The following GRID1 variants were observed in gnomAD, a reference collection of about 807,000 sequenced individuals.
The protein encoded by GRID1 is glutamate ionotropic receptor delta type subunit 1, also known as glutamate receptor ionotropic, delta-1.
A neutral mutation model predicts 98.0 loss-of-function variants in GRID1; 28 were observed. That is an observed-to-expected ratio of 0.29 (90% confidence interval 0.21 to 0.39). The LOEUF (loss-of-function observed/expected upper bound fraction) is 0.39. GRID1 is among the 10% of genes least tolerant of loss of function. The pLI is 1.00. For missense variants in GRID1, 1,111 were observed against 1,340.5 expected, an observed-to-expected ratio of 0.83 and a Z score of 2.67; for synonymous variants, 553 against 538.5, an observed-to-expected ratio of 1.03 and a Z score of -0.37.
At position 85,776,675 on chromosome 10, in the gene GRID1, C is replaced by G. The variant is rs186506790; in HGVS notation, c.1234-47061G>C. On this transcript the variant is annotated intron_variant, in intron 8 of 15. Transcript: ENST00000327946. Reference sequence around the variant, plus strand: ...AGCCCTAACTCAGATTGTCAAGCCTCTATGTCAACAAGCAAATGCTACCGG... The same window carrying G: ...AGCCCTAACTCAGATTGTCAAGCCTGTATGTCAACAAGCAAATGCTACCGG... Among the ~76,000 whole-genome samples, 386 of 152,340 alleles carry G rather than the reference C, an allele frequency of 2.5e-3. No homozygotes were observed. The Middle Eastern group carries it at 0.037, about 15-fold the overall frequency.
At chr10:85,735,706 C>A (rs1036269358) in intron 8 of GRID1, among the ~76,000 whole-genome samples, 1 of 151,956 alleles carries the variant, frequency 6.6e-6, no homozygotes, top group Admixed American at 6.6e-5. Flanking sequence ...AAACGGGTGG[C>A]AATCTTACTG....
chr10:85,987,110 T>A (rs11201862), intron 4 of GRID1, among the ~76,000 whole-genome samples: 58,868 of 151,838 alleles, frequency 0.39, 12,396 homozygotes, highest in South Asian at 0.52. Context: ...CAGGGCAGCC[T>A]CTCCATGCCC....
intron 4 of GRID1, among the ~76,000 whole-genome samples, chr10:85,967,529 C>G (rs1183045944): frequency 6.6e-6 from 1 of 151,992 alleles, no homozygotes; most frequent in Non-Finnish European, 1.5e-5. Context: ...AATTAGTACC[C>G]AAAGACTTTA....
intron 8 of GRID1, among the ~76,000 whole-genome samples, chr10:85,799,094 A>G (rs1455589599): frequency 6.6e-6 from 1 of 152,084 alleles, no homozygotes; most frequent in Non-Finnish European, 1.5e-5. Context: ...ATCATTATTG[A>G]GAAGACTACT....
chr10:86,366,354 G>A lies in GRID1; in HGVS notation c.39C>T (p.Cys13=), dbSNP rs1239390980. Reference sequence around the variant, plus strand: ...AGTCGGCCCGCACCGACACGCACTGGCATATCCAGGGGAGAAGCCACAGCG... The same window carrying A: ...AGTCGGCCCGCACCGACACGCACTGACATATCCAGGGGAGAAGCCACAGCG... ...ALTLWLLPWI[C]QCVSVRADSI... The change falls in exon 1 of 16, where the codon TGC becomes TGT. Residue 13 remains cysteine (C), a synonymous_variant. Coordinates refer to ENST00000327946, the MANE Select transcript of GRID1 (RefSeq NM_017551.3). This position sits in a 1 kb window ranked among gnomAD's most constrained non-coding sequence, Gnocchi z 4.1. 9 of 1,523,330 alleles carry A rather than the reference G, an allele frequency of 5.9e-6. No individual in the cohort carries two copies. In the Admixed American group the frequency reaches 1.2e-4, roughly 20 times the overall value. The allele number at this position is 1,523,330 out of a possible 1,614,324, so 94.4% of individuals were successfully genotyped here. A position where few individuals can be genotyped will look rare whatever the true frequency, so the allele number is the denominator to read the frequency against.
chr10:85,822,089 A>C (rs2131752878), intron 8 of GRID1, among the ~76,000 whole-genome samples: 1 of 152,328 alleles, frequency 6.6e-6, no homozygotes, highest in East Asian at 1.9e-4. Context: ...AAACCCTAGA[A>C]GAAAACCTAG....
At chr10:86,349,892 C>G (rs762508659) in intron 2 of GRID1, among the ~76,000 whole-genome samples, 9 of 152,198 alleles carry the variant, frequency 5.9e-5, no homozygotes, top group Non-Finnish European at 1.5e-5. Flanking sequence ...CCCTCACAAA[C>G]CTGATGGCCC....
intron 4 of GRID1, among the ~76,000 whole-genome samples, chr10:86,016,626 T>C (rs1356043365): frequency 6.6e-6 from 1 of 152,200 alleles, no homozygotes; most frequent in Non-Finnish European, 1.5e-5. Flanking sequence ...TAGTGGAATA[T>C]ACAATGAATG....
chr10:85,778,716 A>G (rs920840350), intron 8 of GRID1, among the ~76,000 whole-genome samples: 1 of 152,230 alleles, frequency 6.6e-6, no homozygotes, highest in African/African-American at 2.4e-5. Context: ...GAAACTTCTG[A>G]GACAGAAAAA....
At chr10:85,919,457 A>T (rs1222982596) in intron 4 of GRID1, among the ~76,000 whole-genome samples, 1 of 151,876 alleles carries the variant, frequency 6.6e-6, no homozygotes, top group Non-Finnish European at 1.5e-5. Flanking sequence ...AGATAGATGG[A>T]GAGAAGGAGA....
chr10:85,687,608 T>A (rs1308240323), intron 12 of GRID1, among the ~76,000 whole-genome samples: 1 of 151,796 alleles, frequency 6.6e-6, no homozygotes, highest in Non-Finnish European at 1.5e-5. Context: ...CCAGCCTGGG[T>A]GACAGAGCAA....
At position 85,643,892 on chromosome 10, in the gene GRID1, G is replaced by A. The variant is rs142664810; in HGVS notation, c.2193+3310C>T. Among the ~76,000 whole-genome samples the A allele has an allele frequency of 6.1e-3, 922 of 152,226 alleles. 12 individuals are homozygous for A. Among genetic ancestry groups the A allele is most frequent in the African/African-American group, 0.021 (870 of 41,538 alleles). On this transcript the variant is annotated intron_variant, in intron 13 of 15. Transcript: ENST00000327946. ...TGATAAGAAATCCTTTGTTTGCATC[G>A]TTTGCTACTGATTTTTTAACATTGT... is the stretch of plus-strand genomic sequence containing the variant.
chr10:85,859,864 TA>T (rs1488618794), intron 6 of GRID1, among the ~76,000 whole-genome samples: 2 of 152,074 alleles, frequency 1.3e-5, no homozygotes, highest in Non-Finnish European at 2.9e-5. Context: ...CCTCACAACC[TA>T]TTCAGAGAAG....
intron 4 of GRID1, among the ~76,000 whole-genome samples, chr10:85,949,885 A>AAG (rs1049184734): frequency 2.6e-5 from 4 of 151,736 alleles, no homozygotes; most frequent in African/African-American, 9.7e-5. Flanking sequence ...TACATATAAA[A>AAG]AGAGAGAGAG....
chr10:85,862,875 G>A (rs1204316014), intron 6 of GRID1, among the ~76,000 whole-genome samples: 1 of 152,222 alleles, frequency 6.6e-6, no homozygotes, highest in Non-Finnish European at 1.5e-5. Flanking sequence ...AAGACCCAGA[G>A]GGAGGAAATG....
chr10:86,004,127 A>G (rs1473118670), intron 4 of GRID1, among the ~76,000 whole-genome samples: 1 of 152,220 alleles, frequency 6.6e-6, no homozygotes, highest in Admixed American at 6.5e-5. Flanking sequence ...AGACAGGGTA[A>G]GTAACTTGCC....
intron 4 of GRID1, among the ~76,000 whole-genome samples, chr10:86,099,557 C>T (rs990015513): frequency 6.6e-6 from 1 of 152,104 alleles, no homozygotes; most frequent in Non-Finnish European, 1.5e-5. Flanking sequence ...TGAAGTTTCA[C>T]ATTGGAGCAC....
At chr10:85,876,077 T>A (rs1843326966) in intron 5 of GRID1, among the ~76,000 whole-genome samples, 2 of 152,256 alleles carry the variant, frequency 1.3e-5, no homozygotes, top group Admixed American at 6.5e-5. Flanking sequence ...ACATGGAAAG[T>A]AATATGGCAC....
chr10:86,060,974 C>T (rs1843640335), intron 4 of GRID1, among the ~76,000 whole-genome samples: 1 of 152,164 alleles, frequency 6.6e-6, no homozygotes, highest in African/African-American at 2.4e-5. Flanking sequence ...GAAGGCAGAG[C>T]AGCCTCCACC....
Sources: allele counts gnomAD v4.1 joint callset (sites outside exome capture counted in the v4.1 genomes callset), GRCh38; gene constraint gnomAD v4.1.1; non-coding constraint Gnocchi (gnomAD v3.1); transcripts MANE v1.5; gene names NCBI Gene and HGNC (gene_info 2026-07-23, HGNC 2026-07-21).